SCN10A: variants seen among roughly 807,000 people sequenced by gnomAD.
The protein encoded by SCN10A is sodium voltage-gated channel alpha subunit 10, also known as sodium channel protein type 10 subunit alpha.
Under a neutral mutation model 170.7 loss-of-function variants are expected in SCN10A, and 162 were observed. The observed-to-expected ratio is 0.95, with a 90% CI of 0.84 to 1.08. The LOEUF (loss-of-function observed/expected upper bound fraction) is 1.08. SCN10A is among the 50% of genes least tolerant of loss of function. SCN10A has a pLI of 0.00. For missense variants in SCN10A, 2,527 were observed against 2,436.9 expected, an observed-to-expected ratio of 1.04 and a Z score of -0.78; for synonymous variants, 985 against 904.6, an observed-to-expected ratio of 1.09 and a Z score of -1.59.
In SCN10A at chr3:38,697,387, C is replaced by T. The variant is rs760570118; in HGVS notation, c.5833G>A (p.Glu1945Lys). Residue 1945 changes from glutamate (E) to lysine (K), a missense_variant, in exon 28 of 28, where the codon GAA becomes AAA. By Grantham distance (56) the Glu-to-Lys change is moderately conservative. Coordinates refer to ENST00000449082, the MANE Select transcript of SCN10A (RefSeq NM_006514.4). ...GCAATCAGCTCCATACTGGTGGCTT[C>T]ATCTTCATTTTGTATTGAGCTAGAT... ...RTSSSIQNED[E>K]ATSMELIAPG... The T allele has an allele frequency of 3.7e-6, 6 of 1,614,200 alleles. No individual in the cohort carries two copies. The highest frequency in any genetic ancestry group is 5.1e-6 in the Non-Finnish European group (6 of 1,180,026).
chr3:38,783,375 C>T (rs919730214), intron 4 of SCN10A, among the ~76,000 whole-genome samples: 1 of 152,006 alleles, frequency 6.6e-6, no homozygotes, highest in Non-Finnish European at 1.5e-5. Flanking sequence ...TTTATTGATG[C>T]TTTTTACTTC....
intron 11 of SCN10A, among the ~76,000 whole-genome samples, chr3:38,755,014 G>A (rs1461497947): frequency 6.6e-6 from 1 of 152,034 alleles, no homozygotes; most frequent in East Asian, 1.9e-4. Flanking sequence ...GCGTGGCGAG[G>A]AAAGTTGCAG....
intron 24 of SCN10A, 88 bp from the exon 25 acceptor site, chr3:38,709,703 G>A (rs963350236): frequency 4.9e-6 from 6 of 1,234,886 alleles, no homozygotes; most frequent in Admixed American, 3.0e-5. Context: ...ATGGACCTGG[G>A]TGCAGGTGAT....
At chr3:38,765,568 A>G (rs2063922998) in intron 5 of SCN10A, among the ~76,000 whole-genome samples, 1 of 152,108 alleles carries the variant, frequency 6.6e-6, no homozygotes, top group Non-Finnish European at 1.5e-5. Flanking sequence ...CCATTGGTCT[A>G]TGTGCTTATT....
chr3:38,713,254 G>C (rs2063295472), intron 22 of SCN10A, among the ~76,000 whole-genome samples: 1 of 152,192 alleles, frequency 6.6e-6, no homozygotes, highest in Non-Finnish European at 1.5e-5. Context: ...CATTAAGTAG[G>C]AGAGAAGAAG....
chr3:38,765,822 T>C (rs1208620156), intron 5 of SCN10A, among the ~76,000 whole-genome samples: 2 of 152,210 alleles, frequency 1.3e-5, no homozygotes, highest in African/African-American at 4.8e-5. Flanking sequence ...AAGGTCATTT[T>C]CACAATATTG....
chr3:38,726,337 C>T (rs868783315), intron 17 of SCN10A, among the ~76,000 whole-genome samples: 6 of 152,104 alleles, frequency 3.9e-5, no homozygotes, highest in African/African-American at 7.2e-5. Context: ...TTGGGCAGAG[C>T]GCATGGGACA....
chr3:38,798,371 T>A (rs2064352239), intron 1 of SCN10A, among the ~76,000 whole-genome samples: 1 of 152,112 alleles, frequency 6.6e-6, no homozygotes, highest in Non-Finnish European at 1.5e-5. Flanking sequence ...AAGTCACATG[T>A]AGGAAGTGTC....
intron 3 of SCN10A, 135 bp from the exon 4 acceptor site, chr3:38,789,171 A>G (rs1575180509): frequency 1.6e-6 from 1 of 643,768 alleles, no homozygotes; most frequent in South Asian, 1.9e-5. Context: ...CATAATAACC[A>G]CTAACATTTA....
chr3:38,798,405 C>T (rs2064352496), intron 1 of SCN10A, among the ~76,000 whole-genome samples: 1 of 152,108 alleles, frequency 6.6e-6, no homozygotes, highest in Non-Finnish European at 1.5e-5. Flanking sequence ...TGGTCTAGAT[C>T]CCTGGGAAAT....
intron 15 of SCN10A, among the ~76,000 whole-genome samples, chr3:38,737,309 T>A (rs1332670371): frequency 6.6e-6 from 1 of 151,868 alleles, no homozygotes; most frequent in Middle Eastern, 3.2e-3. Context: ...CCTGCCAGGG[T>A]ATGGGGGTGT....
At chr3:38,743,034 C>G (rs1045608530) in intron 13 of SCN10A, among the ~76,000 whole-genome samples, 12 of 152,280 alleles carry the variant, frequency 7.9e-5, no homozygotes, top group South Asian at 2.1e-4. Context: ...CTTGCCCTGC[C>G]CAGAAATCTG....
chr3:38,755,675 A>T, intron 11 of SCN10A, 113 bp downstream of exon 11: 1 of 1,246,824 alleles, frequency 8.0e-7, no homozygotes, highest in Non-Finnish European at 1.2e-6. Flanking sequence ...GGATCCTTTT[A>T]GGCTCTATGC....
intron 4 of SCN10A, among the ~76,000 whole-genome samples, chr3:38,782,503 C>T (rs2064150436): frequency 6.6e-6 from 1 of 151,908 alleles, no homozygotes; most frequent in Non-Finnish European, 1.5e-5. Flanking sequence ...TGTTCTTTCC[C>T]CCGTGCTGTC....
chr3:38,771,163 A>G, intron 5 of SCN10A, 116 bp downstream of exon 5: 1 of 1,120,970 alleles, frequency 8.9e-7, no homozygotes, highest in East Asian at 2.5e-5. Flanking sequence ...GCAAACGTTC[A>G]TGGTGTGAGT....
intron 13 of SCN10A, among the ~76,000 whole-genome samples, chr3:38,746,655 G>T (rs540767323): frequency 1.3e-5 from 2 of 152,200 alleles, no homozygotes; most frequent in East Asian, 3.9e-4. Context: ...AGTTCTCCTG[G>T]TTCTCTAGGT....
Position 38,707,286 on chromosome 3 carries a change from C to A in SCN10A, c.4379G>T (p.Arg1460Leu). The A allele has an allele frequency of 6.2e-7, 1 of 1,613,874 alleles. No homozygotes were observed. Among genetic ancestry groups the A allele is most frequent in the Non-Finnish European group, 8.5e-7 (1 of 1,179,968 alleles). Residue 1460 changes from arginine to leucine, a missense_variant, in exon 26 of 28, where the codon CGG becomes CTG. Coordinates refer to ENST00000449082, the MANE Select transcript of SCN10A (RefSeq NM_006514.4). ...GAAACCTCTGGGGCTCACCAGGGGC[C>A]GTGGGATGGGCTTCTGGGGCTTCTT... The part of the protein sequence containing the change: ...GSKKPQKPIP[R>L]PLNKFQGFVF...
At position 38,712,374 on chromosome 3, in the gene SCN10A, C is replaced by A. The variant is rs2063284552; in HGVS notation, c.3876G>T (p.Trp1292Cys). ...TCACACCCATGATGCTGAAGATGAG[C>A]CAGAAGATGAGGCAGACGAGGAGGA... is the stretch of plus-strand genomic sequence containing the variant. The part of the protein sequence containing the change: ...MNVLLVCLIF[W>C]LIFSIMGVNL... The change falls in exon 23 of 28, where the codon TGG becomes TGT. Residue 1292 changes from tryptophan to cysteine, a missense_variant. Coordinates refer to ENST00000449082, the MANE Select transcript of SCN10A (RefSeq NM_006514.4). 6.2e-7 allele frequency: 1 copy of A among 1,613,990 alleles called. No individual in the cohort carries two copies. Among genetic ancestry groups the A allele is most frequent in the Non-Finnish European group, 8.5e-7 (1 of 1,180,030 alleles).
intron 8 of SCN10A, among the ~76,000 whole-genome samples, chr3:38,759,616 C>T (rs1024310343): frequency 6.6e-6 from 1 of 152,118 alleles, no homozygotes; most frequent in African/African-American, 2.4e-5. Flanking sequence ...CTGGATTTGG[C>T]CCACAGAAAT....
Sources: allele counts gnomAD v4.1 joint callset (sites outside exome capture counted in the v4.1 genomes callset), GRCh38; gene constraint gnomAD v4.1.1; transcripts MANE v1.5; gene names NCBI Gene and HGNC (gene_info 2026-07-23, HGNC 2026-07-21).